The following CELSR1 variants were observed in gnomAD, a reference collection of about 807,000 sequenced individuals.
The protein encoded by CELSR1 is adhesion G protein-coupled receptor C1.
A neutral mutation model predicts 249.1 loss-of-function variants in CELSR1; 110 were observed. That is an observed-to-expected ratio of 0.44 (90% CI 0.38 to 0.52). The LOEUF (loss-of-function observed/expected upper bound fraction) is 0.52, where lower values mean the gene tolerates loss of function less well. Among genes scored for constraint, CELSR1 ranks in the 20% least tolerant of loss-of-function variants. The pLI is 0.00. For missense variants in CELSR1, 4,109 were observed against 4,296.4 expected (o/e 0.96, Z 1.22); for synonymous variants, 2,113 against 1,900.0 (o/e 1.11, Z -2.92).
intron 1 of CELSR1, among the ~76,000 whole-genome samples, chr22:46,482,141 A>G (rs1122940): frequency 0.12 from 18,387 of 152,248 alleles, 1,361 homozygotes; most frequent in East Asian, 0.17. Context: ...ACTTCCCAAG[A>G]AGAGCTGCAT....
In CELSR1 at chr22:46,377,250, G is replaced by T. The variant is rs115025562; in HGVS notation, c.7395C>A (p.Val2465=). Residue 2465 remains valine, a synonymous_variant, in exon 24 of 35, where the codon GTC becomes GTA. Coordinates refer to ENST00000674500, the MANE Select transcript of CELSR1 (RefSeq NM_001378328.1). Reference sequence around the variant, plus strand: ...CATAGGTGACAATCTTCAGAGGCAGGACCTCCCCGTTCTATGGGCAGGAGG... The same window carrying T: ...CATAGGTGACAATCTTCAGAGGCAGTACCTCCCCGTTCTATGGGCAGGAGG... ...MDISRRENGE[V]LPLKIVTYAA... 1.8e-3 allele frequency: 2,899 copies of T among 1,613,918 alleles called. 48 individuals are homozygous for T. In the African/African-American group the frequency reaches 0.035, roughly 19 times the overall value.
Position 46,397,684 on chromosome 22 carries a change from G to T in CELSR1, c.5691C>A (p.Val1897=). The T allele has an allele frequency of 1.3e-6, 2 of 1,519,038 alleles. No homozygotes were observed. Among genetic ancestry groups the T allele is most frequent in the Non-Finnish European group, 1.8e-6 (2 of 1,126,324 alleles). 94.1% of individuals were successfully genotyped at this position (1,519,038 alleles called of 1,614,324 possible). A position where few individuals can be genotyped will look rare whatever the true frequency, so the allele number is the denominator to read the frequency against. The change falls in exon 12 of 35, where the codon GTC becomes GTA. Residue 1897 remains valine (V), a synonymous_variant. Coordinates refer to ENST00000674500, the MANE Select transcript of CELSR1 (RefSeq NM_001378328.1). The part of the protein sequence containing the change: ...CHDAWEDYSC[V]CDKGYLGINC... ...GGAGGGCGGTCCCACCTTTGTCACAGACGCAGCTGTAGTCCTCCCAGGCGT... is the reference window on the plus strand; with the variant it reads ...GGAGGGCGGTCCCACCTTTGTCACATACGCAGCTGTAGTCCTCCCAGGCGT...
chr22:46,490,608 C>T lies in CELSR1; in HGVS notation c.3545-26263G>A, dbSNP rs146661048. Among the ~76,000 whole-genome samples the T allele has an allele frequency of 5.0e-3, 755 of 152,254 alleles. 5 individuals carry two copies. Among genetic ancestry groups the T allele is most frequent in the African/African-American group, 0.017 (720 of 41,528 alleles). ...AAGCAGGACCTGGGAGGGAAATGTT[C>T]TAAGCAGAGTGAGCGTCGTGGAGCC... On this transcript the variant is annotated intron_variant, in intron 1 of 34. Coordinates refer to ENST00000674500, the MANE Select transcript of CELSR1 (RefSeq NM_001378328.1). This position sits in a 1 kb window ranked among gnomAD's most constrained non-coding sequence, Gnocchi z 5.2.
At chr22:46,367,708 G>A (rs752128645) in intron 28 of CELSR1, 21 bp downstream of exon 28, 5 of 1,581,668 alleles carry the variant, frequency 3.2e-6, no homozygotes, top group Non-Finnish European at 4.3e-6. Flanking sequence ...GGGTCCCGCG[G>A]GCAACTCGGC....
rs538958378 is a variant in CELSR1 at position 46,421,373 on chromosome 22, C to T, written c.4612-9614G>A. 3.6e-4 allele frequency among the ~76,000 whole-genome samples: 55 copies of T among 152,240 alleles called. 1 individual carries two copies. In the South Asian group the frequency reaches 7.3e-3, roughly 20 times the overall value. On this transcript the variant is annotated intron_variant, in intron 5 of 34. Coordinates refer to ENST00000674500, the MANE Select transcript of CELSR1 (RefSeq NM_001378328.1). ...GGCTATGATGCCAGACAGGAAGCAACCTCAGCCGGGCGTGAAACTGAGGGC... is the reference window on the plus strand; with the variant it reads ...GGCTATGATGCCAGACAGGAAGCAATCTCAGCCGGGCGTGAAACTGAGGGC...
chr22:46,378,813 G>C, intron 22 of CELSR1, 96 bp from the exon 23 acceptor site: 1 of 1,462,470 alleles, frequency 6.8e-7, no homozygotes, highest in Non-Finnish European at 9.2e-7. Flanking sequence ...GGGCTCCCAG[G>C]CCATCCTGGC....
rs1441785951 is a variant in CELSR1 at position 46,468,242 on chromosome 22, T to A, written c.3545-3897A>T. 6.6e-6 allele frequency among the ~76,000 whole-genome samples: 1 copy of A among 151,828 alleles called. No individual in the cohort carries two copies. Among genetic ancestry groups the A allele is most frequent in the African/African-American group, 2.4e-5 (1 of 41,344 alleles). On this transcript the variant is annotated intron_variant, in intron 1 of 34. Transcript: ENST00000674500. The surrounding 1 kb of genome is among the most constrained non-coding windows in gnomAD (Gnocchi z 4.5). ...CTCTACTAAAAATACAAAAATTAGC[T>A]GGGCGTGGTGGTGCATGCCTGTAAT...
rs147066030 is a variant in CELSR1, at chr22:46,439,847, G to A, written c.4184-436C>T. 7.1e-3 allele frequency among the ~76,000 whole-genome samples: 1,082 copies of A among 152,186 alleles called. 7 individuals are homozygous for A. Among genetic ancestry groups the A allele is most frequent in the Middle Eastern group, 0.024 (7 of 294 alleles). ...CCACAGCAGAACACAGCAGAGCCTC[G>A]TCAGAGATTTGGAGCATGCTGCCAT... On this transcript the variant is annotated intron_variant, in intron 2 of 34. Transcript: ENST00000674500.
At position 46,367,781 on chromosome 22, in the gene CELSR1, T is replaced by G; in HGVS notation, c.8027A>C (p.Asn2676Thr). The part of the protein sequence containing the change: ...ATWLLGLLAV[N>T]RDALSFHYLF... ...GTAGTGAAAGCTCAGTGCATCGCGG[T>G]TCACAGCCAGCAGCCCCAGCAGCCA... The change falls in exon 28 of 35, where the codon AAC becomes ACC. Residue 2676 changes from asparagine (N) to threonine (T), a missense_variant. By Grantham distance (65) the Asn-to-Thr change is moderately conservative (BLOSUM62 0). Coordinates refer to ENST00000674500, the MANE Select transcript of CELSR1 (RefSeq NM_001378328.1). 6.2e-7 allele frequency: 1 copy of G among 1,611,086 alleles called. No individual in the cohort carries two copies. Among genetic ancestry groups the G allele is most frequent in the South Asian group, 1.1e-5 (1 of 90,384 alleles).
At position 46,381,080 on chromosome 22, in the gene CELSR1, G is replaced by A. The variant is rs2078973259; in HGVS notation, c.7089-125C>T. 7 of 1,037,158 alleles carry A rather than the reference G, an allele frequency of 6.7e-6. No individual in the cohort carries two copies. The South Asian group carries it at 1.1e-4, about 16-fold the overall frequency. 64.2% of individuals were successfully genotyped at this position (1,037,158 alleles called of 1,614,324 possible). A position where few individuals can be genotyped will look rare whatever the true frequency, so the allele number is the denominator to read the frequency against. On this transcript the variant is annotated intron_variant, in intron 21 of 34. Coordinates refer to ENST00000674500, the MANE Select transcript of CELSR1 (RefSeq NM_001378328.1). This position sits in a 1 kb window ranked among gnomAD's most constrained non-coding sequence, Gnocchi z 6.0. ...TAGGGGAGACAGAATCACACTCCGA[G>A]AGCTCGGACCCACGGACCCCACAGT...
At position 46,365,388 on chromosome 22, in the gene CELSR1, T is replaced by C; in HGVS notation, c.8405-8A>G. ...CTGAGTCGGAATCGTGGCCTGTGGA[T>C]GCGCGGGGGACAGGGAGGCTCAGGC... is the stretch of plus-strand genomic sequence containing the variant. On this transcript the variant is annotated splice_polypyrimidine_tract_variant and splice_region_variant and intron_variant, in intron 31 of 34. Coordinates refer to ENST00000674500, the MANE Select transcript of CELSR1 (RefSeq NM_001378328.1). 6.2e-7 allele frequency: 1 copy of C among 1,612,300 alleles called. No homozygotes were observed. The highest frequency in any genetic ancestry group is 8.5e-7 in the Non-Finnish European group (1 of 1,179,836).
rs368129624 is a variant in CELSR1, at chr22:46,391,857, G to A, written c.5965-41C>T. On this transcript the variant is annotated intron_variant, in intron 14 of 34. Coordinates refer to ENST00000674500, the MANE Select transcript of CELSR1 (RefSeq NM_001378328.1). This position sits in a 1 kb window ranked among gnomAD's most constrained non-coding sequence, Gnocchi z 4.3. ...GCAGGGCCTGTGACTTCAGATGCCCGGGAGAGGCCCTACCTTGCAGCGTGT... is the reference window on the plus strand; with the variant it reads ...GCAGGGCCTGTGACTTCAGATGCCCAGGAGAGGCCCTACCTTGCAGCGTGT... 31 of 1,579,646 alleles carry A rather than the reference G, an allele frequency of 2.0e-5. No homozygotes were observed. Among genetic ancestry groups the A allele is most frequent in the Non-Finnish European group, 2.4e-5 (28 of 1,164,620 alleles).
chr22:46,365,295 G>T lies in CELSR1; in HGVS notation c.8490C>A (p.Asp2830Glu). Residue 2830 changes from aspartate (D) to glutamate (E), a missense_variant, in exon 32 of 35, where the codon GAC becomes GAA. Asp to Glu is a conservative substitution (Grantham distance 45, BLOSUM62 2). This residue lies in a region of CELSR1 where 1,805 missense variants were observed against 1,831.6 expected (regional missense o/e 0.99). Coordinates refer to ENST00000674500, the MANE Select transcript of CELSR1 (RefSeq NM_001378328.1). ...ATTTTTCCTCAGCTCCCACCCCATC[G>T]TCCTCGCTGTCTGACGAGTGTGAGG... ...YASSHSSDSE[D>E]DGVGAEEKWD... 1 of 1,612,910 alleles carries T rather than the reference G, an allele frequency of 6.2e-7. No individual in the cohort carries two copies.
Position 46,506,367 on chromosome 22 carries a change from T to C in CELSR1, c.3544+27260A>G, listed in dbSNP as rs2080515458. On this transcript the variant is annotated intron_variant, in intron 1 of 34. Coordinates refer to ENST00000674500, the MANE Select transcript of CELSR1 (RefSeq NM_001378328.1). The surrounding 1 kb of genome is among the most constrained non-coding windows in gnomAD (Gnocchi z 4.1). Reference sequence around the variant, plus strand: ...TGTTGGGGTTTGGGGAGGCCCCACCTCCCTCCTCAGACTTACTGAGCCCCT... The same window carrying C: ...TGTTGGGGTTTGGGGAGGCCCCACCCCCCTCCTCAGACTTACTGAGCCCCT... Among the ~76,000 whole-genome samples, 1 of 151,914 alleles carries C rather than the reference T, an allele frequency of 6.6e-6. No homozygotes were observed. Among genetic ancestry groups the C allele is most frequent in the Admixed American group, 6.6e-5 (1 of 15,236 alleles).
chr22:46,449,770 G>A (rs1474872252), intron 2 of CELSR1, among the ~76,000 whole-genome samples: 1 of 152,188 alleles, frequency 6.6e-6, no homozygotes, highest in Non-Finnish European at 1.5e-5. Context: ...GGGGAGGGGA[G>A]GGGTCAAGCT....
rs897036618 is a variant in CELSR1 at position 46,527,339 on chromosome 22, A to G, written c.3544+6288T>C. On this transcript the variant is annotated intron_variant, in intron 1 of 34. Coordinates refer to ENST00000674500, the MANE Select transcript of CELSR1 (RefSeq NM_001378328.1). This position sits in a 1 kb window ranked among gnomAD's most constrained non-coding sequence, Gnocchi z 5.5. ...ACTCTCACCGCCCAGCAGCTGGGAC[A>G]TGGGACCCAGCTCTTGCCTAAATCC... 6.6e-6 allele frequency among the ~76,000 whole-genome samples: 1 copy of G among 152,130 alleles called. No individual in the cohort carries two copies. Among genetic ancestry groups the G allele is most frequent in the Non-Finnish European group, 1.5e-5 (1 of 68,018 alleles).
intron 1 of CELSR1, among the ~76,000 whole-genome samples, chr22:46,482,607 C>T (rs980947032): frequency 6.6e-6 from 1 of 151,952 alleles, no homozygotes; most frequent in East Asian, 1.9e-4. Context: ...CTCAGCTACT[C>T]GAAAGGCTGA....
In CELSR1 at chr22:46,398,632, C is replaced by T; in HGVS notation, c.5418G>A (p.Lys1806=). The stretch of plus-strand genomic sequence containing the variant: ...CGGGAAGCATGCCCCCGATATCTGC[C>T]TTGTTCTGTGCGGAGAGAGGGGCCG... ...MTLDYGMDQN[K]ADIGGMLPGL... Residue 1806 remains lysine (K), a synonymous_variant, in exon 11 of 35, where the codon AAG becomes AAA. Coordinates refer to ENST00000674500, the MANE Select transcript of CELSR1 (RefSeq NM_001378328.1). This position sits in a 1 kb window ranked among gnomAD's most constrained non-coding sequence, Gnocchi z 7.2. 6.2e-7 allele frequency: 1 copy of T among 1,612,736 alleles called. No homozygotes were observed. The highest frequency in any genetic ancestry group is 8.5e-7 in the Non-Finnish European group (1 of 1,179,430).
chr22:46,426,599 G>A (rs1210272698), intron 5 of CELSR1, among the ~76,000 whole-genome samples: 2 of 152,166 alleles, frequency 1.3e-5, no homozygotes, highest in African/African-American at 2.4e-5. Flanking sequence ...TGGGGGTGAG[G>A]ATTTCAATAT....
Sources: gnomAD v4.1 joint callset for allele counts (sites outside exome capture counted in the v4.1 genomes callset) on GRCh38, gnomAD v4.1.1 for gene constraint, gnomAD v4.1.1 regional missense constraint, Gnocchi (gnomAD v3.1) non-coding constraint, MANE v1.5 for transcripts, NCBI Gene and HGNC (gene_info 2026-07-23, HGNC 2026-07-21) for gene names.